The following ALK variants were observed in gnomAD, a reference collection of about 807,000 sequenced individuals.
ALK encodes the protein ALK receptor tyrosine kinase.
In ALK, 74 loss-of-function variants were observed where a neutral mutation model predicts 163.1. The observed-to-expected ratio is 0.45, with a 90% confidence interval of 0.38 to 0.55. The LOEUF is 0.55. ALK is among the 20% of genes least tolerant of loss of function. The pLI, the probability that ALK is intolerant of heterozygous loss-of-function variation, is 0.00. For missense variants in ALK, 2,063 were observed against 2,105.3 expected (o/e 0.98, Z 0.39); for synonymous variants, 960 against 843.2 (o/e 1.14, Z -2.40).
intron 1 of ALK, among the ~76,000 whole-genome samples, chr2:29,876,860 A>G (rs1230232054): frequency 2.0e-5 from 3 of 152,050 alleles, no homozygotes; most frequent in African/African-American, 7.2e-5. Context: ...CTCCCTTTAG[A>G]ATGCTCTGTG....
At chr2:29,819,417 C>T (rs765197487) in intron 1 of ALK, among the ~76,000 whole-genome samples, 4 of 152,214 alleles carry the variant, frequency 2.6e-5, no homozygotes, top group Admixed American at 6.5e-5. Flanking sequence ...GCACTTACTT[C>T]ACAGGATTCT....
intron 1 of ALK, among the ~76,000 whole-genome samples, chr2:29,770,795 A>G (rs192790558): frequency 3.9e-4 from 60 of 152,252 alleles, no homozygotes; most frequent in African/African-American, 1.3e-3. Flanking sequence ...CCAGTCCAGG[A>G]TGCCCAGCAT....
rs749453474 is a variant in ALK at position 29,275,364 on chromosome 2, G to T, written c.1912+38C>A. 10 of 1,611,182 alleles carry T rather than the reference G, an allele frequency of 6.2e-6. No individual in the cohort carries two copies. The East Asian group carries it at 2.0e-4, about 32-fold the overall frequency. On this transcript the variant is annotated intron_variant, in intron 10 of 28. Coordinates refer to ENST00000389048, the MANE Select transcript of ALK (RefSeq NM_004304.5). ...GGACAATGAGGCCATGGGCCATGGGGGTTGGGGGACAGAGTGCTGGGGTCA... is the reference window on the plus strand; with the variant it reads ...GGACAATGAGGCCATGGGCCATGGGTGTTGGGGGACAGAGTGCTGGGGTCA...
chr2:29,540,870 A>G (rs1199308340), intron 3 of ALK, among the ~76,000 whole-genome samples: 1 of 152,228 alleles, frequency 6.6e-6, no homozygotes, highest in African/African-American at 2.4e-5. Context: ...CAAATTATAT[A>G]TAAACAGCCA....
chr2:29,220,929 G>C (rs2148166972), intron 22 of ALK, 94 bp from the exon 23 acceptor site: 1 of 1,550,912 alleles, frequency 6.4e-7, no homozygotes, highest in Non-Finnish European at 8.8e-7. Context: ...TACATTTTCA[G>C]CAGCTACAAT....
intron 3 of ALK, among the ~76,000 whole-genome samples, chr2:29,689,397 G>A (rs1043986808): frequency 2.6e-5 from 4 of 152,226 alleles, no homozygotes; most frequent in African/African-American, 9.6e-5. Flanking sequence ...TTCAAAAGGT[G>A]ACTCAGGTCC....
At chr2:29,556,278 A>G (rs902887369) in intron 3 of ALK, among the ~76,000 whole-genome samples, 9 of 152,204 alleles carry the variant, frequency 5.9e-5, no homozygotes, top group Admixed American at 5.2e-4. Context: ...TAAAGTGTCT[A>G]TGAAATAGGG....
intron 1 of ALK, among the ~76,000 whole-genome samples, chr2:29,828,074 C>T (rs574927921): frequency 7.9e-5 from 12 of 152,266 alleles, no homozygotes; most frequent in Non-Finnish European, 1.5e-4. Context: ...GGAAATGATT[C>T]CCTGTTTAAT....
rs2148168738 is a variant in ALK, at chr2:29,222,403, C to T, written c.3456G>A (p.Leu1152=). The change falls in exon 22 of 29, where the codon CTG becomes CTA. Residue 1152 remains leucine, a synonymous_variant. Coordinates refer to ENST00000389048, the MANE Select transcript of ALK (RefSeq NM_004304.5). ...CGTCCTGTTCAGAGCACACTTCAGG[C>T]AGCGTCTGGGCAGAGAAGGGGAGGG... is the stretch of plus-strand genomic sequence containing the variant. The part of the protein sequence containing the change: ...PSPLQVAVKT[L]PEVCSEQDEL... 6.2e-7 allele frequency: 1 copy of T among 1,613,992 alleles called. No individual in the cohort carries two copies. The highest frequency in any genetic ancestry group is 8.5e-7 in the Non-Finnish European group (1 of 1,179,998).
chr2:29,563,525 C>A (rs1674084454), intron 3 of ALK, among the ~76,000 whole-genome samples: 1 of 152,174 alleles, frequency 6.6e-6, no homozygotes, highest in Non-Finnish European at 1.5e-5. Flanking sequence ...TGTAGACAGA[C>A]ATGGCAGAGG....
rs554255615 is a variant in ALK at position 29,847,828 on chromosome 2, C to T, written c.667+72165G>A. On this transcript the variant is annotated intron_variant, in intron 1 of 28. Transcript: ENST00000389048. ...AGAAAGGAGAAGAGAAATGAGAGAGCGTAGGAAGAGGACAAGAAGGAGAGG... is the reference window on the plus strand; with the variant it reads ...AGAAAGGAGAAGAGAAATGAGAGAGTGTAGGAAGAGGACAAGAAGGAGAGG... Among the ~76,000 whole-genome samples, 11 of 147,220 alleles carry T rather than the reference C, an allele frequency of 7.5e-5. No homozygotes were observed. In the East Asian group the frequency reaches 2.0e-3, roughly 27 times the overall value.
intron 11 of ALK, among the ~76,000 whole-genome samples, chr2:29,254,333 G>A (rs1386434135): frequency 6.6e-6 from 1 of 152,132 alleles, no homozygotes; most frequent in Non-Finnish European, 1.5e-5. Flanking sequence ...ACATATATGT[G>A]TGTGTGTGTA....
chr2:29,886,595 C>T (rs1666990313), intron 1 of ALK, among the ~76,000 whole-genome samples: 2 of 152,254 alleles, frequency 1.3e-5, no homozygotes, highest in South Asian at 4.1e-4. Context: ...TTAGCTAACA[C>T]TACCTTGTCA....
At chr2:29,690,452 G>A (rs1678361438) in intron 3 of ALK, among the ~76,000 whole-genome samples, 3 of 152,262 alleles carry the variant, frequency 2.0e-5, no homozygotes, top group Middle Eastern at 6.8e-3. Context: ...TGGGCTGAGA[G>A]TGTGTTTTCC....
At chr2:29,732,611 C>G (rs1679776227) in intron 1 of ALK, among the ~76,000 whole-genome samples, 1 of 152,240 alleles carries the variant, frequency 6.6e-6, no homozygotes, top group South Asian at 2.1e-4. Context: ...CCAAAATTCA[C>G]ATGTCGAAAC....
chr2:29,661,785 T>C (rs1264176048), intron 3 of ALK, among the ~76,000 whole-genome samples: 1 of 152,220 alleles, frequency 6.6e-6, no homozygotes, highest in Non-Finnish European at 1.5e-5. Flanking sequence ...ATCTGTGTCA[T>C]TTAGAGCTGG....
At chr2:29,290,155 A>G (rs868511172) in intron 9 of ALK, among the ~76,000 whole-genome samples, 22 of 152,194 alleles carry the variant, frequency 1.4e-4, no homozygotes, top group African/African-American at 5.1e-4. Context: ...GAGGGGAGGA[A>G]GGACCTCCAC....
chr2:29,873,474 A>C (rs1367466558), intron 1 of ALK, among the ~76,000 whole-genome samples: 1 of 152,118 alleles, frequency 6.6e-6, no homozygotes, highest in Non-Finnish European at 1.5e-5. Context: ...GGAAACCTGG[A>C]ATGGTGATGG....
chr2:29,899,051 T>C (rs1667343431), intron 1 of ALK, among the ~76,000 whole-genome samples: 1 of 152,124 alleles, frequency 6.6e-6, no homozygotes. Context: ...ATCAATGCAT[T>C]TCAATGTGTG....
Sources: gnomAD v4.1 joint callset for allele counts (sites outside exome capture counted in the v4.1 genomes callset) on GRCh38, gnomAD v4.1.1 for gene constraint, MANE v1.5 for transcripts, NCBI Gene and HGNC (gene_info 2026-07-23, HGNC 2026-07-21) for gene names.